IGF1: variants seen among roughly 807,000 people sequenced by gnomAD.
IGF1 encodes insulin like growth factor 1.
In IGF1, 4 loss-of-function variants were observed where a neutral mutation model predicts 13.8. The observed-to-expected ratio is 0.29, with a 90% CI of 0.14 to 0.66. The LOEUF (loss-of-function observed/expected upper bound fraction) is 0.66. Among genes scored for constraint, IGF1 ranks in the 30% least tolerant of loss-of-function variants. The pLI is 0.78. For missense variants in IGF1, 124 were observed against 188.5 expected, an observed-to-expected ratio of 0.66 and a Z score of 2.00; for synonymous variants, 76 against 72.6, an observed-to-expected ratio of 1.05 and a Z score of -0.23.
At position 102,480,393 on chromosome 12, in the gene IGF1, T is replaced by A. The variant is rs5742613; in HGVS notation, c.-12A>T. ...CTGATTTTTCCCATTGCTTCTGAAG[T>A]ACAAAGTCTGAAAATGAATTGGTTA... is the stretch of plus-strand genomic sequence containing the variant. On this transcript the variant is annotated 5_prime_UTR_variant, in exon 1 of 4. Coordinates refer to ENST00000337514, the MANE Select transcript of IGF1 (RefSeq NM_000618.5). 19 of 1,613,334 alleles carry A rather than the reference T, an allele frequency of 1.2e-5. No homozygotes were observed. The Admixed American group carries it at 3.2e-4, about 27-fold the overall frequency.
chr12:102,445,135 C>T (rs577257685), intron 2 of IGF1, among the ~76,000 whole-genome samples: 69 of 151,992 alleles, frequency 4.5e-4, no homozygotes, highest in African/African-American at 1.3e-3. Flanking sequence ...TTTTGGTTAC[C>T]GTAGACTTGT....
chr12:102,442,351 C>A (rs879614504), intron 2 of IGF1, among the ~76,000 whole-genome samples: 2 of 152,028 alleles, frequency 1.3e-5, no homozygotes, highest in Admixed American at 1.3e-4. Context: ...TGGTGTGAAA[C>A]CATGGGGAAT....
intron 3 of IGF1, among the ~76,000 whole-genome samples, chr12:102,410,342 CTGTT>C (rs1410200372): frequency 1.3e-5 from 2 of 152,212 alleles, no homozygotes; most frequent in African/African-American, 2.4e-5. Flanking sequence ...GTTTGCTTAG[CTGTT>C]TGTTTGTGTT....
At chr12:102,459,141 AAACACTTATG>A (rs1879694429) in intron 2 of IGF1, among the ~76,000 whole-genome samples, 1 of 152,204 alleles carries the variant, frequency 6.6e-6, no homozygotes, top group Admixed American at 6.5e-5. Flanking sequence ...CACTACACAA[AAACACTTATG>A]AGGACTGGAT....
At chr12:102,464,038 C>G (rs995329472) in intron 2 of IGF1, among the ~76,000 whole-genome samples, 8 of 152,156 alleles carry the variant, frequency 5.3e-5, no homozygotes, top group African/African-American at 1.9e-4. Flanking sequence ...GGCTGGTGCT[C>G]CAGCTGTGAT....
chr12:102,453,989 G>A (rs1041511788), intron 2 of IGF1, among the ~76,000 whole-genome samples: 3 of 152,156 alleles, frequency 2.0e-5, no homozygotes, highest in Non-Finnish European at 4.4e-5. Context: ...TAAGAGCTTG[G>A]AAAGTGCTAG....
chr12:102,424,935 A>T (rs1365844568), intron 2 of IGF1, among the ~76,000 whole-genome samples: 1 of 152,206 alleles, frequency 6.6e-6, no homozygotes, highest in Non-Finnish European at 1.5e-5. Context: ...TAAAGCAATT[A>T]TTGAGTTATA....
chr12:102,400,675 C>A lies in IGF1; in HGVS notation c.*1832G>T. The A allele has an allele frequency of 6.6e-6, 1 of 151,682 alleles. No individual in the cohort carries two copies. Among genetic ancestry groups the A allele is most frequent in the South Asian group, 2.1e-4 (1 of 4,788 alleles). 9.4% of individuals were successfully genotyped at this position (151,682 alleles called of 1,614,324 possible). On this transcript the variant is annotated 3_prime_UTR_variant, in exon 4 of 4. Coordinates refer to ENST00000337514, the MANE Select transcript of IGF1 (RefSeq NM_000618.5). ...TTTTGGATCACTTTCCTTATATTGC[C>A]TAGAAAAGAAGGAATCATTGTGTTT...
At chr12:102,437,209 G>C (rs1380755103) in intron 2 of IGF1, among the ~76,000 whole-genome samples, 1 of 152,188 alleles carries the variant, frequency 6.6e-6, no homozygotes, top group Admixed American at 6.5e-5. Flanking sequence ...TGTGTGGAGG[G>C]GTCTCCCTGG....
chr12:102,417,780 C>T (rs777590203), intron 3 of IGF1: 17 of 1,612,566 alleles, frequency 1.1e-5, no homozygotes, highest in Admixed American at 3.3e-5. Flanking sequence ...GCTCCTCTCT[C>T]ATCATCCTTG....
intron 2 of IGF1, among the ~76,000 whole-genome samples, chr12:102,428,585 GC>G (rs1053876095): frequency 6.6e-6 from 1 of 152,096 alleles, no homozygotes; most frequent in Admixed American, 6.5e-5. Flanking sequence ...AAGAGAGATG[GC>G]CCTCACTTCT....
intron 2 of IGF1, among the ~76,000 whole-genome samples, chr12:102,473,036 CTCAAT>C (rs1420189163): frequency 6.6e-6 from 1 of 152,106 alleles, no homozygotes; most frequent in Non-Finnish European, 1.5e-5. Flanking sequence ...TTCAACTAGA[CTCAAT>C]TCAATTCAAT....
intron 3 of IGF1, among the ~76,000 whole-genome samples, chr12:102,403,552 G>A (rs1873859585): frequency 6.6e-6 from 1 of 150,830 alleles, no homozygotes. Context: ...TGCCTCCCAG[G>A]CTTACACAAT....
intron 2 of IGF1, among the ~76,000 whole-genome samples, chr12:102,449,021 C>A (rs1878653544): frequency 1.3e-5 from 2 of 152,140 alleles, no homozygotes; most frequent in Non-Finnish European, 2.9e-5. Flanking sequence ...CCAGAAATAC[C>A]ATTTGACCCA....
chr12:102,404,661 T>C (rs1381486108), intron 3 of IGF1, among the ~76,000 whole-genome samples: 1 of 152,234 alleles, frequency 6.6e-6, no homozygotes, highest in Middle Eastern at 3.2e-3. Context: ...ATTCTGGCAC[T>C]TTCCCTCAAA....
intron 2 of IGF1, among the ~76,000 whole-genome samples, chr12:102,427,880 A>T (rs1239393877): frequency 6.6e-6 from 1 of 151,972 alleles, no homozygotes; most frequent in African/African-American, 2.4e-5. Flanking sequence ...ACATGATATA[A>T]ATAACTGCAT....
chr12:102,404,364 G>C (rs1303355601), intron 3 of IGF1, among the ~76,000 whole-genome samples: 1 of 152,112 alleles, frequency 6.6e-6, no homozygotes, highest in Non-Finnish European at 1.5e-5. Context: ...CCACCCCTTG[G>C]GAATAATACC....
intron 3 of IGF1, among the ~76,000 whole-genome samples, chr12:102,410,560 C>A (rs1236628724): frequency 1.3e-5 from 2 of 152,158 alleles, no homozygotes; most frequent in Admixed American, 6.5e-5. Context: ...CTCCAAAATG[C>A]CATTGTTTCA....
intron 2 of IGF1, among the ~76,000 whole-genome samples, chr12:102,424,995 A>T (rs1876073765): frequency 6.6e-6 from 1 of 152,234 alleles, no homozygotes; most frequent in South Asian, 2.1e-4. Context: ...TACTACTGTC[A>T]ACTGGCCACA....
Sources: gnomAD v4.1 joint callset for allele counts (sites outside exome capture counted in the v4.1 genomes callset) on GRCh38, gnomAD v4.1.1 for gene constraint, MANE v1.5 for transcripts, NCBI Gene and HGNC (gene_info 2026-07-23, HGNC 2026-07-21) for gene names.